The following XRCC4 variants were observed in gnomAD, a reference collection of about 807,000 sequenced individuals.
The protein encoded by XRCC4 is DNA repair protein XRCC4.
In XRCC4, 28 loss-of-function variants were observed where a neutral mutation model predicts 39.1. The ratio of observed to expected loss-of-function variants is 0.72; its 90% CI spans 0.53 to 0.98. XRCC4 has a LOEUF of 0.98. Ranked by LOEUF, XRCC4 falls within the 50% of genes least tolerant of loss-of-function variation. The pLI is 0.00. For synonymous variants in XRCC4, 123 were observed against 126.4 expected (o/e 0.97, Z 0.18); for missense variants, 350 against 376.4 (o/e 0.93, Z 0.58).
intron 3 of XRCC4, among the ~76,000 whole-genome samples, chr5:83,130,826 C>T (rs1747537067): frequency 1.3e-5 from 2 of 152,100 alleles, no homozygotes; most frequent in South Asian, 4.1e-4. Flanking sequence ...TCCCCTTTAT[C>T]ATTTTTTATT....
At chr5:83,176,760 T>C (rs959646066) in intron 3 of XRCC4, among the ~76,000 whole-genome samples, 1 of 152,096 alleles carries the variant, frequency 6.6e-6, no homozygotes, top group African/African-American at 2.4e-5. Context: ...TAGCTGGGAC[T>C]ACAGGGGCAC....
rs913787707 is a variant in XRCC4 at position 83,103,020 on chromosome 5, A to ATATATATATG, written c.-10-1881_-10-1880insGTATATATAT. ...GTAAAGATAGAGCTGATATATATAT[A>ATATATATATG]TATATATATATGTCAACATATTTCC... On this transcript the variant is annotated intron_variant, in intron 1 of 7. Transcript: ENST00000396027. Among the ~76,000 whole-genome samples, 15 of 144,594 alleles carry ATATATATATG rather than the reference A, an allele frequency of 1.0e-4. 1 individual carries two copies. Among genetic ancestry groups the ATATATATATG allele is most frequent in the African/African-American group, 3.9e-4 (15 of 38,624 alleles). The allele number at this position is 144,594 out of a possible 152,430, so 94.9% of individuals were successfully genotyped here.
intron 3 of XRCC4, among the ~76,000 whole-genome samples, chr5:83,193,909 CT>C (rs1165891629): frequency 1.3e-5 from 2 of 151,176 alleles, no homozygotes; most frequent in African/African-American, 2.4e-5. Context: ...CTGTAGGTGA[CT>C]TTTTTTTTCC....
At chr5:83,286,934 A>G (rs1754754769) in intron 7 of XRCC4, among the ~76,000 whole-genome samples, 1 of 152,076 alleles carries the variant, frequency 6.6e-6, no homozygotes, top group African/African-American at 2.4e-5. Flanking sequence ...GGTAGAGTTG[A>G]CGGTATCTGG....
rs150921481 is a variant in XRCC4 at position 83,213,986 on chromosome 5, G to A, written c.745+9065G>A. 5.5e-3 allele frequency among the ~76,000 whole-genome samples: 831 copies of A among 152,166 alleles called. 11 individuals carry two copies. Among genetic ancestry groups the A allele is most frequent in the African/African-American group, 0.019 (795 of 41,514 alleles). On this transcript the variant is annotated intron_variant, in intron 6 of 7. Transcript: ENST00000396027. Reference sequence around the variant, plus strand: ...TGATCATCTCAATAGATGCTGAAAAGGTACGTGACAAAATCCAACACACAT... The same window carrying A: ...TGATCATCTCAATAGATGCTGAAAAAGTACGTGACAAAATCCAACACACAT...
the XRCC4 span, among the ~76,000 whole-genome samples, chr5:83,369,282 T>G: frequency 3.9e-5 from 6 of 152,170 alleles, no homozygotes; most frequent in Non-Finnish European, 8.8e-5. Context: ...AGAGGGCGCA[T>G]GGGCAGGATT....
At chr5:83,139,690 C>T (rs760273085) in intron 3 of XRCC4, among the ~76,000 whole-genome samples, 2 of 152,068 alleles carry the variant, frequency 1.3e-5, no homozygotes, top group Non-Finnish European at 2.9e-5. Flanking sequence ...GTATGTATAG[C>T]CTGTTGCTCC....
chr5:83,131,442 T>C (rs190761322), intron 3 of XRCC4, among the ~76,000 whole-genome samples: 1 of 152,286 alleles, frequency 6.6e-6, no homozygotes, highest in Non-Finnish European at 1.5e-5. Flanking sequence ...TTGTTAACTT[T>C]CTGTCTCATT....
intron 3 of XRCC4, among the ~76,000 whole-genome samples, chr5:83,162,694 T>A (rs2928176): frequency 0.92 from 139,513 of 151,870 alleles, 64,208 homozygotes; most frequent in African/African-American, 0.96. Flanking sequence ...TTCTGGAAAC[T>A]TAAAGTTCGT....
chr5:83,331,352 C>A (rs1055631941), intron 7 of XRCC4, among the ~76,000 whole-genome samples: 9 of 152,032 alleles, frequency 5.9e-5, no homozygotes, highest in African/African-American at 2.2e-4. Context: ...TAGATGCTTC[C>A]TGACAGCTTT....
intron 6 of XRCC4, among the ~76,000 whole-genome samples, chr5:83,210,134 CA>C (rs1751584441): frequency 6.6e-6 from 1 of 152,068 alleles, no homozygotes; most frequent in Admixed American, 6.6e-5. Flanking sequence ...TTTTAAGTAT[CA>C]AAGGGCTTGT....
intron 3 of XRCC4, among the ~76,000 whole-genome samples, chr5:83,147,794 CTT>C (rs113614465): frequency 8.8e-4 from 126 of 143,266 alleles, no homozygotes; most frequent in Non-Finnish European, 9.6e-4. Flanking sequence ...TATTTCTTTT[CTT>C]TTTTTTTTTT....
intron 7 of XRCC4, among the ~76,000 whole-genome samples, chr5:83,313,062 TTTTTC>T (rs1269149014): frequency 3.3e-4 from 46 of 139,562 alleles, no homozygotes; most frequent in African/African-American, 9.7e-4. Flanking sequence ...AAATGTCTCT[TTTTTC>T]TTTTCTTTTC....
chr5:83,177,018 C>T (rs1204015452), intron 3 of XRCC4, among the ~76,000 whole-genome samples: 1 of 152,062 alleles, frequency 6.6e-6, no homozygotes, highest in African/African-American at 2.4e-5. Context: ...ATAAATAAAG[C>T]AGTAATATTA....
chr5:83,336,153 A>G (rs940212471), intron 7 of XRCC4, among the ~76,000 whole-genome samples: 2 of 152,116 alleles, frequency 1.3e-5, no homozygotes, highest in African/African-American at 2.4e-5. Context: ...CATTTAAAAC[A>G]TTAAGATTTA....
intron 7 of XRCC4, among the ~76,000 whole-genome samples, chr5:83,287,900 T>C (rs1249577950): frequency 6.6e-6 from 1 of 151,784 alleles, no homozygotes. Context: ...CCTTAGACCT[T>C]CTTTTCAAAT....
chr5:83,105,860 A>T lies in XRCC4; in HGVS notation c.139+802A>T, dbSNP rs1746172590. ...TATTTATATCTTCTATTAACTTTAGAAATATTTCTCTAGAATTTGTTACCA... is the reference window on the plus strand; with the variant it reads ...TATTTATATCTTCTATTAACTTTAGTAATATTTCTCTAGAATTTGTTACCA... On this transcript the variant is annotated intron_variant, in intron 2 of 7. Coordinates refer to ENST00000396027, the MANE Select transcript of XRCC4 (RefSeq NM_003401.5). Among the ~76,000 whole-genome samples, 2 of 152,114 alleles carry T rather than the reference A, an allele frequency of 1.3e-5. 1 individual carries two copies. The highest frequency in any genetic ancestry group is 4.1e-4 in the South Asian group (2 of 4,836).
At chr5:83,189,571 G>A (rs1336642636) in intron 3 of XRCC4, among the ~76,000 whole-genome samples, 6 of 152,098 alleles carry the variant, frequency 3.9e-5, no homozygotes, top group Admixed American at 2.0e-4. Context: ...AGAAATTTGG[G>A]CAATAATATG....
intron 7 of XRCC4, among the ~76,000 whole-genome samples, chr5:83,347,411 A>G (rs1756948984): frequency 6.6e-6 from 1 of 152,196 alleles, no homozygotes; most frequent in African/African-American, 2.4e-5. Flanking sequence ...GGGAGGCCTC[A>G]GGAAACTTAC....
Sources: allele counts gnomAD v4.1 joint callset (sites outside exome capture counted in the v4.1 genomes callset), GRCh38; gene constraint gnomAD v4.1.1; transcripts MANE v1.5; gene names NCBI Gene and HGNC (gene_info 2026-07-23, HGNC 2026-07-21).